Variants in SPAST observed in about 807,000 individuals in gnomAD.
SPAST encodes the protein spastic paraplegia 4 (autosomal dominant; spastin).
A neutral mutation model predicts 76.6 loss-of-function variants in SPAST; 30 were observed. The observed-to-expected ratio is 0.39, with a 90% confidence interval of 0.29 to 0.53. The LOEUF (loss-of-function observed/expected upper bound fraction) is 0.53. Among genes scored for constraint, SPAST ranks in the 20% least tolerant of loss-of-function variants. The probability of loss-of-function intolerance (pLI) is 0.68; values close to 1 mark genes in which losing one functional copy is unlikely to be tolerated. For missense variants in SPAST, 717 were observed against 770.5 expected (o/e 0.93, Z 0.82); for synonymous variants, 305 against 281.0 (o/e 1.09, Z -0.86).
intron 1 of SPAST, among the ~76,000 whole-genome samples, chr2:32,068,064 C>T (rs182561324): frequency 1.1e-3 from 166 of 150,904 alleles, no homozygotes; most frequent in African/African-American, 3.7e-3. Flanking sequence ...CTGCTAGCTC[C>T]GCCTCCCGGG....
At chr2:32,150,670 C>T (rs1680054247) in intron 16 of SPAST, among the ~76,000 whole-genome samples, 1 of 151,936 alleles carries the variant, frequency 6.6e-6, no homozygotes, top group African/African-American at 2.4e-5. Context: ...ATTCCTCAAG[C>T]ATTCCTCCCA....
At chr2:32,091,245 CTATTATTA>C (rs1677701895) in intron 3 of SPAST, among the ~76,000 whole-genome samples, 12 of 126,910 alleles carry the variant, frequency 9.5e-5, no homozygotes, top group African/African-American at 2.6e-4. Flanking sequence ...TAATATGAAG[CTATTATTA>C]TTATTATTAT....
intron 16 of SPAST, among the ~76,000 whole-genome samples, chr2:32,153,265 G>A (rs148479099): frequency 9.9e-5 from 15 of 150,984 alleles, no homozygotes; most frequent in Middle Eastern, 3.5e-3. Context: ...ACAGGTATAC[G>A]CTAGAAATGA....
intron 10 of SPAST, 115 bp downstream of exon 10, chr2:32,136,753 G>A (rs1679548907): frequency 1.6e-6 from 2 of 1,226,456 alleles, no homozygotes; most frequent in Non-Finnish European, 2.4e-6. Context: ...AGAAGGGCAA[G>A]CTTAAAGACT....
At chr2:32,067,981 CTTTTTTT>C (rs755475755) in intron 1 of SPAST, among the ~76,000 whole-genome samples, 9 of 140,478 alleles carry the variant, frequency 6.4e-5, no homozygotes, top group African/African-American at 2.1e-4. Context: ...TTTCTCTTTT[CTTTTTTT>C]TTTTTTTTGA....
intron 1 of SPAST, among the ~76,000 whole-genome samples, chr2:32,069,214 C>CAA (rs56319240): frequency 3.5e-5 from 4 of 114,730 alleles, no homozygotes; most frequent in Non-Finnish European, 3.6e-5. Context: ...CTCCATCTCT[C>CAA]AAAAAAAAAA....
At chr2:32,127,338 G>A (rs1423789159) in intron 8 of SPAST, 8 of 352,608 alleles carry the variant, frequency 2.3e-5, no homozygotes, top group Admixed American at 8.1e-5. Flanking sequence ...GGCTGGTGTC[G>A]AACTCCTGAC....
At chr2:32,097,373 A>G (rs1677954592) in intron 3 of SPAST, among the ~76,000 whole-genome samples, 1 of 152,168 alleles carries the variant, frequency 6.6e-6, no homozygotes. Flanking sequence ...TTGAGTGTGA[A>G]AAGCATCCAT....
rs531719608 is a variant in SPAST at position 32,143,625 on chromosome 2, C to T, written c.1616+210C>T. On this transcript the variant is annotated intron_variant, in intron 14 of 16. Transcript: ENST00000315285. Reference sequence around the variant, plus strand: ...TAAATTTCACTGGCTATGTCCTTTGCAAGACGTGATCTAATGATGATAGTA... The same window carrying T: ...TAAATTTCACTGGCTATGTCCTTTGTAAGACGTGATCTAATGATGATAGTA... 1.6e-4 allele frequency among the ~76,000 whole-genome samples: 25 copies of T among 152,228 alleles called. No individual in the cohort carries two copies. The South Asian group carries it at 5.0e-3, about 30-fold the overall frequency.
At chr2:32,088,490 C>G (rs950343231) in intron 2 of SPAST, among the ~76,000 whole-genome samples, 1 of 152,060 alleles carries the variant, frequency 6.6e-6, no homozygotes, top group Non-Finnish European at 1.5e-5. Context: ...ACTAAAAATT[C>G]AAAATTAGCC....
At chr2:32,111,151 GTGTGTATAGAGTATATATACAGTATAC>G in intron 4 of SPAST, among the ~76,000 whole-genome samples, 1 of 121,154 alleles carries the variant, frequency 8.3e-6, no homozygotes, top group African/African-American at 3.1e-5. Flanking sequence ...ATACTATATA[GTGTGTATAGAGTATATATACAGTATAC>G]TATATAGTGT....
intron 7 of SPAST, among the ~76,000 whole-genome samples, chr2:32,120,598 T>A: frequency 1.4e-5 from 2 of 139,514 alleles, no homozygotes; most frequent in Admixed American, 7.5e-5. Context: ...TTTCCCAGAA[T>A]ACCTTTTCCT....
chr2:32,124,786 A>C (rs1679138141), intron 7 of SPAST, among the ~76,000 whole-genome samples: 1 of 152,252 alleles, frequency 6.6e-6, no homozygotes, highest in Admixed American at 6.5e-5. Flanking sequence ...GAAAGAAGCC[A>C]GTCTGAAGAG....
intron 5 of SPAST, 53 bp from the exon 6 acceptor site, chr2:32,115,648 GA>G: frequency 1.5e-6 from 2 of 1,359,902 alleles, no homozygotes; most frequent in Non-Finnish European, 2.1e-6. Flanking sequence ...ACTTATTTAT[GA>G]AAAGTGTAAA....
chr2:32,080,567 A>AAT (rs1677178963), intron 1 of SPAST, among the ~76,000 whole-genome samples: 1 of 151,260 alleles, frequency 6.6e-6, no homozygotes, highest in South Asian at 2.1e-4. Context: ...TTAAAAGAGA[A>AAT]ATGTCTATGA....
chr2:32,094,675 T>C (rs1334042615), intron 3 of SPAST, among the ~76,000 whole-genome samples: 1 of 152,162 alleles, frequency 6.6e-6, no homozygotes, highest in Non-Finnish European at 1.5e-5. Flanking sequence ...GTTACAAAGA[T>C]TTTTAAGAAA....
At chr2:32,106,724 A>T (rs1403490553) in intron 4 of SPAST, among the ~76,000 whole-genome samples, 1 of 152,072 alleles carries the variant, frequency 6.6e-6, no homozygotes, top group East Asian at 1.9e-4. Flanking sequence ...TCCCCTAAGG[A>T]CTTCTTATGT....
chr2:32,076,264 A>G (rs531013111), intron 1 of SPAST, among the ~76,000 whole-genome samples: 9 of 152,212 alleles, frequency 5.9e-5, no homozygotes, highest in Non-Finnish European at 1.3e-4. Context: ...AATGTCAAAA[A>G]CTAGAATGAT....
chr2:32,118,359 C>T (rs1454612675), intron 7 of SPAST, among the ~76,000 whole-genome samples: 1 of 152,076 alleles, frequency 6.6e-6, no homozygotes, highest in African/African-American at 2.4e-5. Flanking sequence ...TACATAAAAT[C>T]ACTGGTCTGA....
Sources: allele counts gnomAD v4.1 joint callset (sites outside exome capture counted in the v4.1 genomes callset), GRCh38; gene constraint gnomAD v4.1.1; transcripts MANE v1.5; gene names NCBI Gene and HGNC (gene_info 2026-07-23, HGNC 2026-07-21).